FOXP2: variants seen among roughly 807,000 people sequenced by gnomAD.
FOXP2 encodes the protein forkhead box protein P2.
In FOXP2, 12 loss-of-function variants were observed where a neutral mutation model predicts 115.8. That is an observed-to-expected ratio of 0.10 (90% CI 0.07 to 0.17). The LOEUF (loss-of-function observed/expected upper bound fraction) is 0.17, where lower values mean the gene tolerates loss of function less well. Ranked by LOEUF, FOXP2 falls within the 10% of genes least tolerant of loss-of-function variation. The probability of loss-of-function intolerance (pLI) is 1.00; values close to 1 mark genes in which losing one functional copy is unlikely to be tolerated. For missense variants in FOXP2, 629 were observed against 843.5 expected (o/e 0.75, Z 3.15); for synonymous variants, 328 against 297.7 (o/e 1.10, Z -1.05).
chr7:114,418,233 G>A (rs570362832), intron 1 of FOXP2, among the ~76,000 whole-genome samples: 1 of 151,914 alleles, frequency 6.6e-6, no homozygotes, highest in Non-Finnish European at 1.5e-5. Flanking sequence ...AATGAGAAAT[G>A]TTTCTGTGTT....
intron 2 of FOXP2, among the ~76,000 whole-genome samples, chr7:114,524,324 G>T (rs1415448482): frequency 6.6e-6 from 1 of 151,978 alleles, no homozygotes; most frequent in East Asian, 1.9e-4. Flanking sequence ...AAAAGAAAAA[G>T]AATTTGCTTG....
intron 2 of FOXP2, among the ~76,000 whole-genome samples, chr7:114,365,206 T>C (rs998362591): frequency 2.0e-5 from 3 of 152,178 alleles, no homozygotes; most frequent in African/African-American, 7.2e-5. Flanking sequence ...ATATTTCAGT[T>C]TGTCATCTCA....
Position 114,247,442 on chromosome 7 carries a change from CAGTT to C in FOXP2, c.-101-40573_-101-40570del, listed in dbSNP as rs368478203. 2.7e-4 allele frequency among the ~76,000 whole-genome samples: 41 copies of C among 152,224 alleles called. No homozygotes were observed. In the East Asian group the frequency reaches 4.8e-3, roughly 18 times the overall value. ...CCTCTGTTTCTTTTTTTCACACACT[CAGTT>C]AGTGACAAAATCCTATTTACTTCCT... On this transcript the variant is annotated intron_variant, in intron 1 of 17. Transcript: ENST00000634411.
intron 1 of FOXP2, among the ~76,000 whole-genome samples, chr7:114,287,004 T>C (rs957171515): frequency 1.3e-5 from 2 of 152,092 alleles, no homozygotes; most frequent in Admixed American, 1.3e-4. Context: ...CAGTCATCCT[T>C]TTCAATGCCT....
intron 1 of FOXP2, among the ~76,000 whole-genome samples, chr7:114,154,122 C>T (rs1792595550): frequency 6.6e-6 from 1 of 152,128 alleles, no homozygotes; most frequent in East Asian, 1.9e-4. Context: ...TCTTTTATTG[C>T]AGCTTTTATT....
At chr7:114,231,359 T>C (rs1339739450) in intron 1 of FOXP2, among the ~76,000 whole-genome samples, 1 of 152,136 alleles carries the variant, frequency 6.6e-6, no homozygotes, top group African/African-American at 2.4e-5. Context: ...GTTACAGATA[T>C]AGAACAAGCA....
intron 3 of FOXP2, among the ~76,000 whole-genome samples, chr7:114,589,781 C>T (rs558959445): frequency 3.5e-4 from 53 of 152,120 alleles, no homozygotes; most frequent in Non-Finnish European, 6.6e-4. Flanking sequence ...TTTATGTTCC[C>T]TGGGAAGTAA....
upstream of FOXP2, among the ~76,000 whole-genome samples, chr7:114,160,720 A>AG (rs1792804606): frequency 6.6e-6 from 1 of 152,060 alleles, no homozygotes; most frequent in South Asian, 2.1e-4. Context: ...GTTAAGGTTA[A>AG]GAAAAAGTAC....
chr7:114,374,950 C>T (rs930884818), intron 2 of FOXP2, among the ~76,000 whole-genome samples: 1 of 151,872 alleles, frequency 6.6e-6, no homozygotes, highest in Admixed American at 6.6e-5. Flanking sequence ...CAATTGAAAA[C>T]GTGAAAAATG....
chr7:114,432,111 A>G (rs1394298821), intron 2 of FOXP2, among the ~76,000 whole-genome samples: 6 of 152,014 alleles, frequency 3.9e-5, no homozygotes. Context: ...CCCACACAGT[A>G]TGCAACATTT....
Position 114,269,827 on chromosome 7 carries a change from C to A in FOXP2, c.-101-18192C>A, listed in dbSNP as rs142735834. ...AAAGGATAAATTTACAATTTTGTATCAAAGATTACTTCATTTTTATCACTA... is the reference window on the plus strand; with the variant it reads ...AAAGGATAAATTTACAATTTTGTATAAAAGATTACTTCATTTTTATCACTA... On this transcript the variant is annotated intron_variant, in intron 1 of 17. Transcript: ENST00000634411. 2.0e-3 allele frequency among the ~76,000 whole-genome samples: 302 copies of A among 152,204 alleles called. 2 individuals are homozygous for A. The highest frequency in any genetic ancestry group is 7.0e-3 in the African/African-American group (292 of 41,532).
chr7:114,605,895 T>A (rs1695014013), intron 3 of FOXP2, among the ~76,000 whole-genome samples: 2 of 152,178 alleles, frequency 1.3e-5, no homozygotes, highest in Non-Finnish European at 2.9e-5. Flanking sequence ...TAAAGAGATT[T>A]GTATTTTGGG....
In FOXP2 at chr7:114,195,607, C is replaced by G. The variant is rs544833529; in HGVS notation, c.-102+32519C>G. Among the ~76,000 whole-genome samples the G allele has an allele frequency of 2.0e-5, 3 of 152,154 alleles. No individual in the cohort carries two copies. In the South Asian group the frequency reaches 6.2e-4, roughly 32 times the overall value. On this transcript the variant is annotated intron_variant, in intron 1 of 17. Coordinates refer to the FOXP2 transcript ENST00000634411. ...GCTTTATTCTTAAAGCTAACTGTAA[C>G]AGTTGTTTTTCCCTCTTATTTAAAA...
chr7:114,403,041 C>G, intron 2 of FOXP2, among the ~76,000 whole-genome samples: 1 of 152,154 alleles, frequency 6.6e-6, no homozygotes, highest in East Asian at 1.9e-4. Context: ...TCCCTTATCT[C>G]AAGTCCTTGG....
At chr7:114,100,344 G>A (rs2129140508) in intron 1 of FOXP2, among the ~76,000 whole-genome samples, 1 of 152,182 alleles carries the variant, frequency 6.6e-6, no homozygotes, top group South Asian at 2.1e-4. Flanking sequence ...CCTTTAAAAT[G>A]TTGTGTCCAG....
At chr7:114,325,230 G>A (rs1443819333) in intron 2 of FOXP2, among the ~76,000 whole-genome samples, 3 of 151,862 alleles carry the variant, frequency 2.0e-5, no homozygotes, top group Admixed American at 6.6e-5. Context: ...GAAGTTAGTT[G>A]TCTCTGATTG....
intron 2 of FOXP2, among the ~76,000 whole-genome samples, chr7:114,401,302 C>T (rs1191717254): frequency 6.6e-6 from 1 of 152,080 alleles, no homozygotes; most frequent in Non-Finnish European, 1.5e-5. Flanking sequence ...TACCCAAGAA[C>T]ACCATTAATA....
At chr7:114,511,734 A>G (rs975432770) in intron 2 of FOXP2, among the ~76,000 whole-genome samples, 3 of 152,136 alleles carry the variant, frequency 2.0e-5, no homozygotes, top group Non-Finnish European at 4.4e-5. Flanking sequence ...GATATTGTGA[A>G]GGATATTGTG....
chr7:114,656,682 TG>T (rs1806609046), intron 10 of FOXP2: 1 of 189,110 alleles, frequency 5.3e-6, no homozygotes, highest in South Asian at 6.9e-5. Flanking sequence ...CAGATGCACT[TG>T]GGGATGCCTT....
Sources: gnomAD v4.1 joint callset for allele counts (sites outside exome capture counted in the v4.1 genomes callset) on GRCh38, gnomAD v4.1.1 for gene constraint, MANE v1.5 for transcripts, NCBI Gene and HGNC (gene_info 2026-07-23, HGNC 2026-07-21) for gene names.